Variants in ERC2 observed in about 807,000 individuals in gnomAD.
ERC2 encodes ERC protein 2.
Under a neutral mutation model 114.8 loss-of-function variants are expected in ERC2, and 42 were observed. The observed-to-expected ratio is 0.37, with a 90% confidence interval of 0.29 to 0.47. The LOEUF (loss-of-function observed/expected upper bound fraction) is 0.47, where lower values mean the gene tolerates loss of function less well. Ranked by LOEUF, ERC2 falls within the 20% of genes least tolerant of loss-of-function variation. The pLI is 0.99. For missense variants in ERC2, 939 were observed against 1,150.7 expected (o/e 0.82, Z 2.66); for synonymous variants, 454 against 425.5 (o/e 1.07, Z -0.82).
At chr3:56,031,767 A>C (rs2074391785) in intron 7 of ERC2, among the ~76,000 whole-genome samples, 1 of 152,246 alleles carries the variant, frequency 6.6e-6, no homozygotes, top group Non-Finnish European at 1.5e-5. Flanking sequence ...AATAACACAC[A>C]AACAATAAAG....
chr3:56,401,406 A>G (rs1465638534), intron 2 of ERC2, among the ~76,000 whole-genome samples: 1 of 152,160 alleles, frequency 6.6e-6, no homozygotes, highest in Non-Finnish European at 1.5e-5. Flanking sequence ...TCATGTATAA[A>G]TCTTTTTGTA....
At chr3:56,419,218 A>T (rs2061291651) in intron 2 of ERC2, among the ~76,000 whole-genome samples, 1 of 88,894 alleles carries the variant, frequency 1.1e-5, no homozygotes, top group Non-Finnish European at 2.2e-5. Flanking sequence ...AATTCAACAA[A>T]ATCATTCGTT....
chr3:56,344,303 C>T (rs1278911183), intron 2 of ERC2, among the ~76,000 whole-genome samples: 1 of 152,196 alleles, frequency 6.6e-6, no homozygotes, highest in Non-Finnish European at 1.5e-5. Flanking sequence ...CTCCATTGCC[C>T]TGGCAAACAC....
chr3:55,819,275 G>A (rs978161471), intron 14 of ERC2, among the ~76,000 whole-genome samples: 27 of 152,164 alleles, frequency 1.8e-4, no homozygotes, highest in African/African-American at 2.2e-4. Context: ...GCAAAACCTC[G>A]ACTTGTGACA....
chr3:55,799,130 C>A (rs1477841026), intron 14 of ERC2, among the ~76,000 whole-genome samples: 2 of 151,908 alleles, frequency 1.3e-5, no homozygotes, highest in African/African-American at 4.8e-5. Flanking sequence ...AGTCACACAG[C>A]TTTTTACTCA....
intron 2 of ERC2, among the ~76,000 whole-genome samples, chr3:56,304,716 A>G (rs1384626268): frequency 6.6e-6 from 1 of 152,238 alleles, no homozygotes; most frequent in Non-Finnish European, 1.5e-5. Context: ...AGCATTAGAC[A>G]AAGTATTCTA....
chr3:55,667,431 A>G (rs1301468709), intron 17 of ERC2, among the ~76,000 whole-genome samples: 1 of 152,246 alleles, frequency 6.6e-6, no homozygotes, highest in Non-Finnish European at 1.5e-5. Context: ...GTGATCGCCT[A>G]AATTATTTAT....
At chr3:55,788,880 G>A (rs2069740648) in intron 14 of ERC2, among the ~76,000 whole-genome samples, 1 of 152,194 alleles carries the variant, frequency 6.6e-6, no homozygotes, top group South Asian at 2.1e-4. Context: ...TCATACATGT[G>A]TAACCAGTGC....
chr3:56,003,436 A>G (rs1230476163), intron 10 of ERC2, among the ~76,000 whole-genome samples: 2 of 152,164 alleles, frequency 1.3e-5, no homozygotes, highest in Non-Finnish European at 2.9e-5. Context: ...TTGATGATAC[A>G]TGAAGTGCTG....
At chr3:56,096,761 C>T (rs961684099) in intron 6 of ERC2, among the ~76,000 whole-genome samples, 1 of 152,134 alleles carries the variant, frequency 6.6e-6, no homozygotes, top group Admixed American at 6.6e-5. Flanking sequence ...GTGCTCCAAA[C>T]AAAATGTCAT....
At chr3:55,781,362 C>A (rs962495804) in intron 14 of ERC2, among the ~76,000 whole-genome samples, 1 of 152,172 alleles carries the variant, frequency 6.6e-6, no homozygotes, top group Non-Finnish European at 1.5e-5. Flanking sequence ...TGCCCACCAG[C>A]CCTGCTCTCC....
chr3:56,171,580 T>C (rs543850979), intron 4 of ERC2, among the ~76,000 whole-genome samples: 8 of 152,222 alleles, frequency 5.3e-5, no homozygotes, highest in Non-Finnish European at 1.0e-4. Flanking sequence ...TTAGTGATAA[T>C]AAGTAGAAAT....
chr3:56,159,916 G>A (rs2081960813), intron 4 of ERC2, among the ~76,000 whole-genome samples: 1 of 152,102 alleles, frequency 6.6e-6, no homozygotes, highest in Non-Finnish European at 1.5e-5. Flanking sequence ...CCATTAATGG[G>A]CACCTAGGTT....
chr3:55,598,336 T>C (rs147743669), intron 17 of ERC2, among the ~76,000 whole-genome samples: 1 of 152,322 alleles, frequency 6.6e-6, no homozygotes, highest in African/African-American at 2.4e-5. Context: ...AGCCCAATAG[T>C]TAAAGAAGGA....
chr3:56,270,701 A>C (rs993815619), intron 3 of ERC2, among the ~76,000 whole-genome samples: 32 of 152,216 alleles, frequency 2.1e-4, no homozygotes, highest in African/African-American at 7.0e-4. Flanking sequence ...AGCCATGGGC[A>C]GGGCATGGTG....
At chr3:55,820,388 C>T (rs192801014) in intron 14 of ERC2, among the ~76,000 whole-genome samples, 1 of 152,168 alleles carries the variant, frequency 6.6e-6, no homozygotes, top group Non-Finnish European at 1.5e-5. Flanking sequence ...AGCAAAGCAA[C>T]TCAGTGAAAA....
At chr3:55,571,052 C>G (rs1380882723) in intron 17 of ERC2, among the ~76,000 whole-genome samples, 4 of 143,740 alleles carry the variant, frequency 2.8e-5, no homozygotes. Flanking sequence ...TGTTTGAACC[C>G]AGGAGGTAGA....
At chr3:56,383,274 A>G (rs1319477925) in intron 2 of ERC2, among the ~76,000 whole-genome samples, 1 of 151,640 alleles carries the variant, frequency 6.6e-6, no homozygotes, top group African/African-American at 2.4e-5. Context: ...TATTCAAAAA[A>G]CCCCCCACTG....
chr3:55,817,994 G>C (rs1445304337), intron 14 of ERC2, among the ~76,000 whole-genome samples: 1 of 152,120 alleles, frequency 6.6e-6, no homozygotes, highest in Admixed American at 6.5e-5. Flanking sequence ...TTGACCTTTC[G>C]AGCCAGCCAT....
Sources: gnomAD v4.1 joint callset for allele counts (sites outside exome capture counted in the v4.1 genomes callset) on GRCh38, gnomAD v4.1.1 for gene constraint, MANE v1.5 for transcripts, NCBI Gene and HGNC (gene_info 2026-07-23, HGNC 2026-07-21) for gene names.